FAT3: variants seen among roughly 807,000 people sequenced by gnomAD.
FAT3 encodes FAT atypical cadherin 3.
In FAT3, 95 loss-of-function variants were observed where a neutral mutation model predicts 310.2. That is an observed-to-expected ratio of 0.31 (90% CI 0.26 to 0.36). The LOEUF is 0.36. Ranked by LOEUF, FAT3 falls within the 10% of genes least tolerant of loss-of-function variation. The pLI, the probability that FAT3 is intolerant of heterozygous loss-of-function variation, is 1.00. For synonymous variants in FAT3, 2,314 were observed against 2,192.9 expected, an observed-to-expected ratio of 1.06 and a Z score of -1.54; for missense variants, 5,408 against 5,715.6, an observed-to-expected ratio of 0.95 and a Z score of 1.74.
At chr11:92,845,604 C>G (rs531296160) in intron 19 of FAT3, among the ~76,000 whole-genome samples, 17 of 152,128 alleles carry the variant, frequency 1.1e-4, no homozygotes, top group South Asian at 2.1e-4. Flanking sequence ...CCGTAGTGAT[C>G]GATGAGAAGC....
intron 1 of FAT3, among the ~76,000 whole-genome samples, chr11:92,241,620 G>A (rs1284605031): frequency 3.9e-5 from 6 of 151,978 alleles, no homozygotes; most frequent in South Asian, 2.1e-4. Flanking sequence ...TGTATTAATA[G>A]TTACTGAAGG....
At chr11:92,383,051 A>G (rs1460410339) in intron 2 of FAT3, among the ~76,000 whole-genome samples, 1 of 151,964 alleles carries the variant, frequency 6.6e-6, no homozygotes, top group Non-Finnish European at 1.5e-5. Flanking sequence ...ATGTGTTCTC[A>G]TTGTTCACCT....
chr11:92,580,161 G>A (rs1429031163), intron 3 of FAT3, among the ~76,000 whole-genome samples: 1 of 151,962 alleles, frequency 6.6e-6, no homozygotes, highest in Non-Finnish European at 1.5e-5. Flanking sequence ...AAAAGAATAG[G>A]TGAGTATGAA....
At position 92,798,562 on chromosome 11, in the gene FAT3, A is replaced by G. The variant is rs776647594; in HGVS notation, c.5549A>G (p.His1850Arg). 2 of 1,613,652 alleles carry G rather than the reference A, an allele frequency of 1.2e-6. No homozygotes were observed. The highest frequency in any genetic ancestry group is 1.1e-5 in the South Asian group (1 of 91,062). ...DHETIAHFHF[H>R]VHVRDSGSPQ... Reference sequence around the variant, plus strand: ...GAAACCATTGCCCATTTCCATTTTCATGTGCATGTGAGAGACAGTGGTAGC... The same window carrying G: ...GAAACCATTGCCCATTTCCATTTTCGTGTGCATGTGAGAGACAGTGGTAGC... Residue 1850 changes from histidine to arginine, a missense_variant, in exon 10 of 28, where the codon CAT (histidine) becomes CGT (arginine). By Grantham distance (29) the His-to-Arg change is conservative (BLOSUM62 0). Transcript: ENST00000525166.
In FAT3 at chr11:92,862,699, G is replaced by C. The variant is rs918766186; in HGVS notation, c.11658+3377G>C. ...CCCTACAAGATTTGAGAGTTTCAATGATCTATTTAAGAATGTCACCAAAAA... is the reference window on the plus strand; with the variant it reads ...CCCTACAAGATTTGAGAGTTTCAATCATCTATTTAAGAATGTCACCAAAAA... On this transcript the variant is annotated intron_variant, in intron 21 of 27. Coordinates refer to ENST00000525166, the MANE Select transcript of FAT3 (RefSeq NM_001367949.2). 3.3e-5 allele frequency among the ~76,000 whole-genome samples: 5 copies of C among 152,284 alleles called. No individual in the cohort carries two copies. In the East Asian group the frequency reaches 9.7e-4, roughly 29 times the overall value.
intron 1 of FAT3, among the ~76,000 whole-genome samples, chr11:92,285,228 A>G (rs1053217828): frequency 6.6e-6 from 1 of 152,026 alleles, no homozygotes; most frequent in African/African-American, 2.4e-5. Flanking sequence ...TGCTCTGCAG[A>G]CTCTGCTTAT....
chr11:92,467,413 C>G (rs1401624178), intron 2 of FAT3, among the ~76,000 whole-genome samples: 4 of 152,148 alleles, frequency 2.6e-5, no homozygotes, highest in Non-Finnish European at 5.9e-5. Flanking sequence ...TGTGAACACA[C>G]AAACACACAC....
At position 92,806,418 on chromosome 11, in the gene FAT3, A is replaced by G; in HGVS notation, c.9150A>G (p.Lys3050=). Residue 3050 remains lysine, a synonymous_variant, in exon 12 of 28, where the codon AAA becomes AAG. Coordinates refer to ENST00000525166, the MANE Select transcript of FAT3 (RefSeq NM_001367949.2). ...EDIPSNKIIL[K]VSAKDADIGS... The stretch of plus-strand genomic sequence containing the variant: ...TTCCATCAAATAAAATCATCCTGAA[A>G]GTCAGTGCAAAGGATGCTGATATTG... 1 of 1,592,752 alleles carries G rather than the reference A, an allele frequency of 6.3e-7. No homozygotes were observed. Among genetic ancestry groups the G allele is most frequent in the Non-Finnish European group, 8.6e-7 (1 of 1,168,344 alleles).
rs371361270 is a variant in FAT3 at position 92,789,895 on chromosome 11, G to A, written c.4336-48G>A. 1,724 of 1,594,066 alleles carry A rather than the reference G, an allele frequency of 1.1e-3. 2 individuals are homozygous for A. Among genetic ancestry groups the A allele is most frequent in the Non-Finnish European group, 1.4e-3 (1,636 of 1,166,244 alleles). ...GAGGGAGGGCATACTTTTATTAGCA[G>A]TGAGCAAATTGGCATTAGTCATCAT... On this transcript the variant is annotated intron_variant, in intron 7 of 27. Transcript: ENST00000525166.
intron 22 of FAT3, among the ~76,000 whole-genome samples, chr11:92,871,072 G>A (rs569845627): frequency 6.6e-6 from 1 of 152,244 alleles, no homozygotes; most frequent in South Asian, 2.1e-4. Context: ...GATTTGGGAG[G>A]CCAGGAGTTC....
intron 2 of FAT3, among the ~76,000 whole-genome samples, chr11:92,457,467 A>G (rs7111080): frequency 0.095 from 14,380 of 152,120 alleles, 1,051 homozygotes; most frequent in African/African-American, 0.21. Context: ...TGTGCAAAGA[A>G]CCATGACTCA....
chr11:92,796,171 G>A (rs1565600079), intron 9 of FAT3, among the ~76,000 whole-genome samples: 1 of 152,138 alleles, frequency 6.6e-6, no homozygotes, highest in East Asian at 1.9e-4. Context: ...AAAGTTCTGT[G>A]GATCACCTGT....
At chr11:92,705,420 AGTG>A (rs1416269014) in intron 4 of FAT3, among the ~76,000 whole-genome samples, 7 of 9,550 alleles carry the variant, frequency 7.3e-4, no homozygotes, top group Admixed American at 1.2e-3. Context: ...TGATGGTGGT[AGTG>A]GTGGTGGTGG....
rs1949994550 is a variant in FAT3 at position 92,894,874 on chromosome 11, T to G, written c.*3761T>G. The G allele has an allele frequency of 6.6e-6, 1 of 151,902 alleles. No individual in the cohort carries two copies. The allele number at this position is 151,902 out of a possible 1,614,324, so 9.4% of individuals were successfully genotyped here. ...CTTCCCTTGGACATTACTAGCACAT[T>G]CTGGAAAAAAAGCAAGTTGAACATA... On this transcript the variant is annotated 3_prime_UTR_variant, in exon 28 of 28. Coordinates refer to ENST00000525166, the MANE Select transcript of FAT3 (RefSeq NM_001367949.2).
chr11:92,399,665 T>C (rs1478558196), intron 2 of FAT3, among the ~76,000 whole-genome samples: 1 of 152,162 alleles, frequency 6.6e-6, no homozygotes, highest in Non-Finnish European at 1.5e-5. Flanking sequence ...TTATTCCAGC[T>C]ATGGGCATGG....
chr11:92,597,418 A>G (rs1460263501), intron 3 of FAT3, among the ~76,000 whole-genome samples: 1 of 152,210 alleles, frequency 6.6e-6, no homozygotes, highest in Non-Finnish European at 1.5e-5. Context: ...ACGGACAGTC[A>G]CGATGTAAAC....
At chr11:92,785,580 A>C (rs887257976) in intron 7 of FAT3, among the ~76,000 whole-genome samples, 4 of 152,304 alleles carry the variant, frequency 2.6e-5, no homozygotes, top group Non-Finnish European at 2.9e-5. Flanking sequence ...ACCAAAAAAA[A>C]CAGTGAAATA....
chr11:92,892,584 T>G lies in FAT3; in HGVS notation c.*1471T>G, dbSNP rs1301144862. On this transcript the variant is annotated 3_prime_UTR_variant, in exon 28 of 28. Coordinates refer to ENST00000525166, the MANE Select transcript of FAT3 (RefSeq NM_001367949.2). ...GTGCCACCACGCCTGGCTAATTTTT[T>G]GTATTTTTAGTAGAGATGGGGTTTC... The G allele has an allele frequency of 6.6e-6, 1 of 152,114 alleles. No individual in the cohort carries two copies. The highest frequency in any genetic ancestry group is 2.4e-5 in the African/African-American group (1 of 41,408). The allele number at this position is 152,114 out of a possible 1,614,324, so 9.4% of individuals were successfully genotyped here. A position where few individuals can be genotyped will look rare whatever the true frequency, so the allele number is the denominator to read the frequency against.
At chr11:92,789,131 GT>G (rs1331639133) in intron 7 of FAT3, among the ~76,000 whole-genome samples, 1 of 152,116 alleles carries the variant, frequency 6.6e-6, no homozygotes, top group Non-Finnish European at 1.5e-5. Flanking sequence ...TGCAGCAATG[GT>G]ATTGTGTGTG....
Sources: gnomAD v4.1 joint callset for allele counts (sites outside exome capture counted in the v4.1 genomes callset) on GRCh38, gnomAD v4.1.1 for gene constraint, MANE v1.5 for transcripts, NCBI Gene and HGNC (gene_info 2026-07-23, HGNC 2026-07-21) for gene names.